Variants in ACSL4 observed in about 807,000 individuals in gnomAD.
ACSL4 encodes acyl-CoA synthetase long chain family member 4, also known as long-chain-fatty-acid--CoA ligase 4.
Under a neutral mutation model 49.1 loss-of-function variants are expected in ACSL4, and 9 were observed. The observed-to-expected ratio is 0.18, with a 90% confidence interval of 0.11 to 0.32. The LOEUF (loss-of-function observed/expected upper bound fraction) is 0.32, where lower values mean the gene tolerates loss of function less well. Among genes scored for constraint, ACSL4 ranks in the 10% least tolerant of loss-of-function variants. The pLI, the probability that ACSL4 is intolerant of heterozygous loss-of-function variation, is 1.00. For missense variants in ACSL4, 333 were observed against 493.7 expected, an observed-to-expected ratio of 0.67 and a Z score of 3.08; for synonymous variants, 191 against 170.3, an observed-to-expected ratio of 1.12 and a Z score of -0.95.
intron 14 of ACSL4, among the ~76,000 whole-genome samples, chrX:109,661,274 G>A (rs1458459077): frequency 9.0e-6 from 1 of 111,529 alleles, no homozygotes; most frequent in Non-Finnish European, 1.9e-5. Flanking sequence ...CAGTTGTCAT[G>A]GATGTTAAAT....
At chrX:109,702,673 T>C (rs968656099) in intron 1 of ACSL4, among the ~76,000 whole-genome samples, 17 of 111,623 alleles carry the variant, frequency 1.5e-4, no homozygotes, top group Non-Finnish European at 1.1e-4. Context: ...CAAGATGAGG[T>C]TAGTGTTATC....
At chrX:109,694,663 A>C (rs906144689) in intron 2 of ACSL4, among the ~76,000 whole-genome samples, 1 of 111,833 alleles carries the variant, frequency 8.9e-6, no homozygotes, top group African/African-American at 3.3e-5. Flanking sequence ...TTCTATAAGA[A>C]GCAATCCTTT....
At chrX:109,685,095 T>C (rs1924491679) in intron 2 of ACSL4, among the ~76,000 whole-genome samples, 1 of 100,377 alleles carries the variant, frequency 1.0e-5, no homozygotes, top group Non-Finnish European at 2.0e-5. Flanking sequence ...TTTCTTTTTT[T>C]TTTTTTTTTT....
At chrX:109,686,975 C>T (rs991013679) in intron 2 of ACSL4, among the ~76,000 whole-genome samples, 1 of 112,016 alleles carries the variant, frequency 8.9e-6, no homozygotes, top group Non-Finnish European at 1.9e-5. Context: ...AAAAGCATAG[C>T]TGCTCTGGTA....
chrX:109,657,295 A>C (rs1391870736), intron 15 of ACSL4, among the ~76,000 whole-genome samples: 3 of 111,066 alleles, frequency 2.7e-5, no homozygotes. Flanking sequence ...TACATGTGCC[A>C]TGTTGGTGTG....
In ACSL4 at chrX:109,669,091, C is replaced by G. The variant is rs1158665590; in HGVS notation, c.1085G>C (p.Gly362Ala). Residue 362 changes from glycine (G) to alanine (A), a missense_variant, in exon 10 of 16, where the codon GGG becomes GCG. By Grantham distance (60) the Gly-to-Ala change is moderately conservative (BLOSUM62 0). Coordinates refer to ENST00000672401, the MANE Select transcript of ACSL4 (RefSeq NM_001318510.2). ...NYIQKTLFKI[G>A]YDYKLEQIKK... Reference sequence around the variant, plus strand: ...GATCTGTTCCAATTTGTAATCATACCCTATCTTGAACAGAGTTTTCTGAAT... The same window carrying G: ...GATCTGTTCCAATTTGTAATCATACGCTATCTTGAACAGAGTTTTCTGAAT... The G allele has an allele frequency of 8.4e-7, 1 of 1,189,668 alleles. No homozygotes were observed. The highest frequency in any genetic ancestry group is 3.0e-5 in the East Asian group (1 of 33,605).
intron 1 of ACSL4, among the ~76,000 whole-genome samples, chrX:109,701,766 G>A (rs746224182): frequency 4.5e-5 from 4 of 89,725 alleles, no homozygotes; most frequent in South Asian, 6.2e-4. Flanking sequence ...GGGTGGTTTC[G>A]ATCTCCTGAC....
chrX:109,653,972 A>T (rs748102778), intron 15 of ACSL4, among the ~76,000 whole-genome samples: 10 of 109,753 alleles, frequency 9.1e-5, no homozygotes, highest in African/African-American at 2.7e-4. Context: ...TTTTAAAAAA[A>T]TTTATTTGAA....
chrX:109,673,998 G>A (rs1222522653), intron 9 of ACSL4, among the ~76,000 whole-genome samples: 2 of 111,581 alleles, frequency 1.8e-5, no homozygotes, highest in African/African-American at 6.5e-5. Flanking sequence ...AGTTGGGAGG[G>A]CTTAGATCCT....
intron 1 of ACSL4, among the ~76,000 whole-genome samples, chrX:109,706,592 A>C (rs1010516330): frequency 8.9e-6 from 1 of 112,599 alleles, no homozygotes; most frequent in East Asian, 2.7e-4. Flanking sequence ...CTTGATTATC[A>C]TGAAACAACT....
In ACSL4 at chrX:109,695,242, G is replaced by A. The variant is rs1046986967; in HGVS notation, c.-13+902C>T. Among the ~76,000 whole-genome samples, 10 of 109,482 alleles carry A rather than the reference G, an allele frequency of 9.1e-5. 1 individual carries two copies. The highest frequency in any genetic ancestry group is 3.9e-4 in the Admixed American group (4 of 10,294). ...CACCTATAATCCCAGCTATTCAGGAGGCTAAGGCAGGAGAATTGCTTAAAC... is the reference window on the plus strand; with the variant it reads ...CACCTATAATCCCAGCTATTCAGGAAGCTAAGGCAGGAGAATTGCTTAAAC... On this transcript the variant is annotated intron_variant, in intron 2 of 15. Coordinates refer to ENST00000672401, the MANE Select transcript of ACSL4 (RefSeq NM_001318510.2).
intron 1 of ACSL4, among the ~76,000 whole-genome samples, chrX:109,700,616 C>T (rs1024568951): frequency 4.5e-5 from 5 of 110,411 alleles, no homozygotes; most frequent in African/African-American, 1.3e-4. Flanking sequence ...TCACTTGATT[C>T]GTAAATATTA....
At chrX:109,655,359 C>G (rs1476945399) in intron 15 of ACSL4, among the ~76,000 whole-genome samples, 1 of 111,166 alleles carries the variant, frequency 9.0e-6, no homozygotes, top group African/African-American at 3.3e-5. Flanking sequence ...AAAAGGAACA[C>G]TGAGAGGACA....
chrX:109,650,270 AC>A (rs1457331928), intron 15 of ACSL4, among the ~76,000 whole-genome samples: 3 of 110,737 alleles, frequency 2.7e-5, no homozygotes, highest in Admixed American at 9.6e-5. Context: ...AAGACTTGGA[AC>A]CAACCCAAAT....
intron 1 of ACSL4, among the ~76,000 whole-genome samples, chrX:109,724,795 C>T (rs1927838144): frequency 1.8e-5 from 2 of 109,784 alleles, no homozygotes. Context: ...ACCTGTAATC[C>T]CAGCTACTCG....
In ACSL4 at chrX:109,695,183, A is replaced by G. The variant is rs927067496; in HGVS notation, c.-13+961T>C. Among the ~76,000 whole-genome samples the G allele has an allele frequency of 5.5e-5, 6 of 109,252 alleles. No homozygotes were observed. In the East Asian group the frequency reaches 1.5e-3, roughly 27 times the overall value. The allele number at this position is 109,252 out of a possible 115,157, so 94.9% of individuals were successfully genotyped here. A position where few individuals can be genotyped will look rare whatever the true frequency, so the allele number is the denominator to read the frequency against. ...AACATGGTGAAACCCCTTCTCTAGTAAAAATACAAAAGTTAGCCAGGCGCC... is the reference window on the plus strand; with the variant it reads ...AACATGGTGAAACCCCTTCTCTAGTGAAAATACAAAAGTTAGCCAGGCGCC... On this transcript the variant is annotated intron_variant, in intron 2 of 15. Transcript: ENST00000672401.
chrX:109,710,029 C>T (rs954357185), intron 1 of ACSL4, among the ~76,000 whole-genome samples: 10 of 111,555 alleles, frequency 9.0e-5, no homozygotes, highest in African/African-American at 2.9e-4. Context: ...CGCTTGAACC[C>T]GGGAGGCGGA....
chrX:109,678,390 C>T lies in ACSL4; in HGVS notation c.681G>A (p.Thr227=), dbSNP rs137922332. The T allele has an allele frequency of 7.4e-6, 9 of 1,211,676 alleles. No individual in the cohort carries two copies. The highest frequency in any genetic ancestry group is 3.0e-5 in the East Asian group (1 of 33,857). ...ENLGIPPSRP[T]PSDMAIVMYT... is the part of the protein sequence containing the mutation. ...ACATAACAATGGCCATGTCTGAAGG[C>T]GTTGGTCTACTTGGAGGAATGCCCA... Residue 227 remains threonine, a synonymous_variant, in exon 7 of 16, where the codon ACG becomes ACA. Transcript: ENST00000672401.
At chrX:109,685,993 C>T (rs1324091078) in intron 2 of ACSL4, among the ~76,000 whole-genome samples, 2 of 111,278 alleles carry the variant, frequency 1.8e-5, no homozygotes, top group Non-Finnish European at 1.9e-5. Flanking sequence ...CTATGACTTA[C>T]CCTACTTGGA....
Sources: gnomAD v4.1 joint callset for allele counts (sites outside exome capture counted in the v4.1 genomes callset) on GRCh38, gnomAD v4.1.1 for gene constraint, MANE v1.5 for transcripts, NCBI Gene and HGNC (gene_info 2026-07-23, HGNC 2026-07-21) for gene names.